Variants in PTGER3 observed in about 807,000 individuals in gnomAD.
The protein encoded by PTGER3 is prostaglandin E receptor 3.
A neutral mutation model predicts 34.7 loss-of-function variants in PTGER3; 22 were observed. The observed-to-expected ratio is 0.63, with a 90% CI of 0.45 to 0.91. PTGER3 has a LOEUF of 0.91. Ranked by LOEUF, PTGER3 falls within the 40% of genes least tolerant of loss-of-function variation. PTGER3 has a pLI of 0.00. For synonymous variants in PTGER3, 241 were observed against 230.1 expected, an observed-to-expected ratio of 1.05 and a Z score of -0.43; for missense variants, 468 against 519.4, an observed-to-expected ratio of 0.90 and a Z score of 0.96.
At chr1:71,006,111 G>C in intron 2 of PTGER3, 2 of 933,426 alleles carry the variant, frequency 2.1e-6, no homozygotes, top group South Asian at 1.0e-4. Context: ...ACTTATTTCT[G>C]TTATCTCTCT....
chr1:70,944,160 G>A (rs1650011264), intron 4 of PTGER3, among the ~76,000 whole-genome samples: 1 of 151,622 alleles, frequency 6.6e-6, no homozygotes, highest in South Asian at 2.1e-4. Flanking sequence ...ATCTTTTTTG[G>A]AGCCACTTTC....
chr1:70,984,181 G>A (rs1376882431), intron 2 of PTGER3, among the ~76,000 whole-genome samples: 1 of 151,974 alleles, frequency 6.6e-6, no homozygotes, highest in Non-Finnish European at 1.5e-5. Flanking sequence ...GAGGTCAGGG[G>A]TTTGAGACCA....
chr1:70,939,993 T>C (rs1008017147), intron 4 of PTGER3, among the ~76,000 whole-genome samples: 12 of 152,164 alleles, frequency 7.9e-5, no homozygotes, highest in African/African-American at 2.9e-4. Flanking sequence ...AGGCTGCAAA[T>C]TTTCCAAACT....
intron 4 of PTGER3, among the ~76,000 whole-genome samples, chr1:70,935,693 A>ATATATATATATATATATATATATATATT (rs1491421864): frequency 7.1e-6 from 1 of 140,724 alleles, no homozygotes; most frequent in African/African-American, 2.6e-5. Flanking sequence ...ATATATATAT[A>ATATATATATATATATATATATATATATT]TGTTCTGCTT....
chr1:70,881,214 G>A (rs1202570721), intron 4 of PTGER3, among the ~76,000 whole-genome samples: 6 of 152,082 alleles, frequency 3.9e-5, no homozygotes, highest in Non-Finnish European at 8.8e-5. Context: ...TGTTAATACT[G>A]GTTGTATTAT....
chr1:70,996,694 C>T (rs777403918), intron 2 of PTGER3, among the ~76,000 whole-genome samples: 117 of 93,554 alleles, frequency 1.3e-3, no homozygotes, highest in Non-Finnish European at 2.2e-3. Context: ...GACGGAGTCT[C>T]GCTCTGTCGC....
chr1:71,022,165 G>C (rs1303998302), intron 1 of PTGER3, among the ~76,000 whole-genome samples: 2 of 151,754 alleles, frequency 1.3e-5, no homozygotes, highest in South Asian at 2.1e-4. Flanking sequence ...ATTACATTTA[G>C]AGTAGCTGGT....
At chr1:70,935,804 T>C (rs1490132312) in intron 4 of PTGER3, among the ~76,000 whole-genome samples, 1 of 151,620 alleles carries the variant, frequency 6.6e-6, no homozygotes, top group African/African-American at 2.4e-5. Flanking sequence ...TGGGTGGAGA[T>C]TTCCAAGAAA....
At chr1:71,002,805 A>G (rs1656609568) in intron 2 of PTGER3, among the ~76,000 whole-genome samples, 1 of 152,228 alleles carries the variant, frequency 6.6e-6, no homozygotes. Flanking sequence ...AGAAATGTTG[A>G]AACTAACAAA....
At position 70,953,854 on chromosome 1, in the gene PTGER3, CT is replaced by C. The variant is rs1651027703; in HGVS notation, c.1078-66del. On this transcript the variant is annotated intron_variant, in intron 2 of 3. Coordinates refer to the PTGER3 transcript ENST00000356595. ...AATATGCAAAGTTCCTAGAAGGATG[CT>C]AAACCACAGATGATGTTCAATGAAA... 3 of 710,900 alleles carry C rather than the reference CT, an allele frequency of 4.2e-6. No individual in the cohort carries two copies. The East Asian group carries it at 9.6e-5, about 23-fold the overall frequency. 44.0% of individuals were successfully genotyped at this position (710,900 alleles called of 1,614,324 possible).
At position 70,970,822 on chromosome 1, in the gene PTGER3, A is replaced by G. The variant is rs1021142440; in HGVS notation, c.*908T>C. 1.1e-6 allele frequency: 1 copy of G among 898,016 alleles called. No homozygotes were observed. The highest frequency in any genetic ancestry group is 1.8e-5 in the African/African-American group (1 of 55,334). 55.6% of individuals were successfully genotyped at this position (898,016 alleles called of 1,614,324 possible). A position where few individuals can be genotyped will look rare whatever the true frequency, so the allele number is the denominator to read the frequency against. On this transcript the variant is annotated 3_prime_UTR_variant, in exon 4 of 4. Transcript: ENST00000306666. ...CAAAGTTTTTTATTTTAATACAGAC[A>G]AAATAGATTCTTTTATTTTATAAAA...
At chr1:71,042,163 A>G (rs1660374219) in intron 1 of PTGER3, among the ~76,000 whole-genome samples, 1 of 151,760 alleles carries the variant, frequency 6.6e-6, no homozygotes, top group Non-Finnish European at 1.5e-5. Flanking sequence ...GATAAACTCA[A>G]AAGAGTGAAG....
At chr1:70,964,413 T>A (rs533690909) in intron 2 of PTGER3, among the ~76,000 whole-genome samples, 5 of 152,186 alleles carry the variant, frequency 3.3e-5, no homozygotes, top group Non-Finnish European at 1.5e-5. Context: ...AGAGGTTCAA[T>A]TGACTCACAG....
At chr1:71,032,580 A>G (rs1373442400) in intron 1 of PTGER3, among the ~76,000 whole-genome samples, 4 of 152,232 alleles carry the variant, frequency 2.6e-5, no homozygotes, top group Non-Finnish European at 5.9e-5. Context: ...CTGGTTCCTT[A>G]GGAGCAGAGC....
intron 4 of PTGER3, among the ~76,000 whole-genome samples, chr1:70,943,849 A>T (rs944269815): frequency 2.2e-5 from 1 of 45,944 alleles, no homozygotes; most frequent in African/African-American, 4.2e-5. Context: ...AGAGAGAGGG[A>T]GAGAGAGAGA....
intron 1 of PTGER3, among the ~76,000 whole-genome samples, chr1:71,031,140 A>G (rs1659375680): frequency 6.6e-6 from 1 of 152,158 alleles, no homozygotes; most frequent in Non-Finnish European, 1.5e-5. Context: ...TGCACATAAC[A>G]GGCATTCAGT....
At chr1:70,988,792 A>C (rs79687007) in intron 2 of PTGER3, among the ~76,000 whole-genome samples, 188 of 152,260 alleles carry the variant, frequency 1.2e-3, no homozygotes, top group African/African-American at 4.4e-3. Flanking sequence ...ACATAGTGAT[A>C]AAGTCATCCC....
intron 4 of PTGER3, among the ~76,000 whole-genome samples, chr1:70,863,446 T>C (rs1037149959): frequency 6.6e-6 from 1 of 152,188 alleles, no homozygotes; most frequent in Non-Finnish European, 1.5e-5. Flanking sequence ...ATGTAGCTGG[T>C]TAGAGGATTC....
intron 4 of PTGER3, among the ~76,000 whole-genome samples, chr1:70,880,275 G>A (rs1646361629): frequency 6.6e-6 from 1 of 151,954 alleles, no homozygotes; most frequent in Non-Finnish European, 1.5e-5. Context: ...GTGCAAGGCA[G>A]TAACAAATTC....
Sources: allele counts gnomAD v4.1 joint callset (sites outside exome capture counted in the v4.1 genomes callset), GRCh38; gene constraint gnomAD v4.1.1; transcripts MANE v1.5; gene names NCBI Gene and HGNC (gene_info 2026-07-23, HGNC 2026-07-21).